The following OSBPL9 variants were observed in gnomAD, a reference collection of about 807,000 sequenced individuals.
OSBPL9 encodes oxysterol-binding protein-related protein 9.
A neutral mutation model predicts 106.6 loss-of-function variants in OSBPL9; 40 were observed. The observed-to-expected ratio is 0.38, with a 90% CI of 0.29 to 0.49. The LOEUF is 0.49. Ranked by LOEUF, OSBPL9 falls within the 20% of genes least tolerant of loss-of-function variation. OSBPL9 has a pLI of 0.97. For synonymous variants in OSBPL9, 269 were observed against 295.4 expected, an observed-to-expected ratio of 0.91 and a Z score of 0.92; for missense variants, 609 against 887.2, an observed-to-expected ratio of 0.69 and a Z score of 3.98.
the OSBPL9 span, among the ~76,000 whole-genome samples, chr1:51,533,845 C>CTTTTTTTTTTTTTTTTTTTTTTTT: frequency 8.6e-6 from 1 of 116,332 alleles, no homozygotes. Context: ...TTTTTTCTTT[C>CTTTTTTTTTTTTTTTTTTTTTTTT]TTTTTTTTTT....
chr1:51,780,838 TAC>T (rs1676210567), intron 15 of OSBPL9, among the ~76,000 whole-genome samples: 1 of 152,086 alleles, frequency 6.6e-6, no homozygotes, highest in Non-Finnish European at 1.5e-5. Context: ...GATAAAAGAC[TAC>T]ACATTGGATA....
intron 1 of OSBPL9, among the ~76,000 whole-genome samples, chr1:51,619,017 A>T (rs993764954): frequency 6.6e-6 from 1 of 152,226 alleles, no homozygotes; most frequent in Non-Finnish European, 1.5e-5. Flanking sequence ...AAAAAGACTA[A>T]ACCTTAATGA....
At chr1:51,662,503 G>T (rs913686607) in intron 2 of OSBPL9, among the ~76,000 whole-genome samples, 1 of 152,146 alleles carries the variant, frequency 6.6e-6, no homozygotes, top group Non-Finnish European at 1.5e-5. Flanking sequence ...GGGCACATCA[G>T]GAAGGTTTAG....
chr1:51,558,420 A>G, the OSBPL9 span, among the ~76,000 whole-genome samples: 14 of 152,260 alleles, frequency 9.2e-5, no homozygotes, highest in Non-Finnish European at 1.3e-4. Context: ...CACCTCCCCA[A>G]TTCTCCTATA....
intron 8 of OSBPL9, among the ~76,000 whole-genome samples, chr1:51,755,203 C>G (rs1315254407): frequency 6.6e-6 from 1 of 152,030 alleles, no homozygotes; most frequent in Non-Finnish European, 1.5e-5. Flanking sequence ...GTAAGATGAG[C>G]AAAGTCCTCA....
intron 3 of OSBPL9, among the ~76,000 whole-genome samples, chr1:51,675,336 T>C (rs868292137): frequency 2.0e-5 from 3 of 152,138 alleles, no homozygotes; most frequent in Admixed American, 6.6e-5. Context: ...TCCTTTTTTT[T>C]CCAAGAGAAG....
At chr1:51,709,314 A>G in intron 3 of OSBPL9, 1 of 217,340 alleles carries the variant, frequency 4.6e-6, no homozygotes, top group South Asian at 7.9e-5. Flanking sequence ...CTGCTTCCCC[A>G]TGCAAGCCCT....
rs138445299 is a variant in OSBPL9 at position 51,696,216 on chromosome 1, G to A, written c.242-17787G>A. Among the ~76,000 whole-genome samples, 176 of 152,292 alleles carry A rather than the reference G, an allele frequency of 1.2e-3. 1 individual carries two copies. Among genetic ancestry groups the A allele is most frequent in the Non-Finnish European group, 1.9e-3 (129 of 68,030 alleles). On this transcript the variant is annotated intron_variant, in intron 3 of 23. Transcript: ENST00000428468. ...TAGGTGGAGAAAGTGACATTGTAGC[G>A]TAGCCCAGAAGAGTGAATAGAATTC...
At chr1:51,606,139 A>G (rs557413658) in intron 2 of OSBPL9, among the ~76,000 whole-genome samples, 1 of 152,352 alleles carries the variant, frequency 6.6e-6, no homozygotes, top group South Asian at 2.1e-4. Flanking sequence ...TAGCAATCCA[A>G]GCATTAAATG....
chr1:51,663,324 G>GTGTGTA (rs1491014260), intron 2 of OSBPL9, among the ~76,000 whole-genome samples: 3 of 149,026 alleles, frequency 2.0e-5, no homozygotes, highest in African/African-American at 7.4e-5. Flanking sequence ...GTGTGTGTGT[G>GTGTGTA]TAAAACGTGT....
intron 1 of OSBPL9, among the ~76,000 whole-genome samples, chr1:51,597,512 C>T (rs1315964610): frequency 6.7e-6 from 1 of 149,026 alleles, no homozygotes; most frequent in Non-Finnish European, 1.5e-5. Flanking sequence ...TACACACACA[C>T]ATATATATAT....
chr1:51,644,000 A>C (rs1274755853), intron 1 of OSBPL9, among the ~76,000 whole-genome samples: 1 of 143,420 alleles, frequency 7.0e-6, no homozygotes, highest in Admixed American at 7.3e-5. Context: ...GGATCACTTG[A>C]GCCTAGGAGG....
intron 1 of OSBPL9, among the ~76,000 whole-genome samples, chr1:51,625,628 C>T (rs1445719866): frequency 1.3e-5 from 2 of 151,936 alleles, no homozygotes; most frequent in Non-Finnish European, 1.5e-5. Context: ...TCAAAATCCT[C>T]CCACCTCACC....
chr1:51,771,269 G>A (rs950591259), intron 12 of OSBPL9, among the ~76,000 whole-genome samples: 1 of 152,192 alleles, frequency 6.6e-6, no homozygotes, highest in Non-Finnish European at 1.5e-5. Context: ...TAAAGCGTGA[G>A]AAATTTGATT....
intron 9 of OSBPL9, among the ~76,000 whole-genome samples, chr1:51,758,454 G>A (rs1670821908): frequency 6.6e-6 from 1 of 151,572 alleles, no homozygotes; most frequent in African/African-American, 2.4e-5. Flanking sequence ...GTCTATTTTG[G>A]GATCCACTTG....
At chr1:51,731,542 C>T (rs1260916011) in intron 4 of OSBPL9, among the ~76,000 whole-genome samples, 2 of 152,008 alleles carry the variant, frequency 1.3e-5, no homozygotes, top group African/African-American at 4.8e-5. Flanking sequence ...TTTGGGAGGC[C>T]GAGGCGGCCG....
intron 8 of OSBPL9, among the ~76,000 whole-genome samples, chr1:51,754,674 A>G (rs1204029443): frequency 1.3e-5 from 2 of 152,260 alleles, no homozygotes; most frequent in Admixed American, 1.3e-4. Flanking sequence ...GTAAAAAGAA[A>G]CAAGTGAGAT....
the OSBPL9 span, among the ~76,000 whole-genome samples, chr1:51,526,329 A>G: frequency 1.4e-4 from 22 of 152,330 alleles, no homozygotes; most frequent in Non-Finnish European, 3.1e-4. Context: ...TAAATGGAGC[A>G]TGGTAGAGAT....
chr1:51,616,142 G>A (rs200763652), upstream of OSBPL9, among the ~76,000 whole-genome samples: 7 of 150,762 alleles, frequency 4.6e-5, no homozygotes, highest in East Asian at 1.2e-3. Flanking sequence ...GCGCCACCAC[G>A]CCCAGATAAT....
Sources: allele counts gnomAD v4.1 joint callset (sites outside exome capture counted in the v4.1 genomes callset), GRCh38; gene constraint gnomAD v4.1.1; transcripts MANE v1.5; gene names NCBI Gene and HGNC (gene_info 2026-07-23, HGNC 2026-07-21).